B3GALT1: variants seen among roughly 807,000 people sequenced by gnomAD.
B3GALT1 encodes beta-1,3-galactosyltransferase 1.
B3GALT1 carries 10 observed loss-of-function variants against 23.2 expected under a neutral mutation model. The observed-to-expected ratio is 0.43, with a 90% CI of 0.27 to 0.73. B3GALT1 has a LOEUF of 0.73. B3GALT1 is among the 30% of genes least tolerant of loss of function. B3GALT1 has a pLI of 0.21. For synonymous variants in B3GALT1, 156 were observed against 141.5 expected (o/e 1.10, Z -0.73); for missense variants, 299 against 405.4 (o/e 0.74, Z 2.25).
chr2:167,379,576 G>A (rs1420051160), intron 1 of B3GALT1, among the ~76,000 whole-genome samples: 1 of 152,142 alleles, frequency 6.6e-6, no homozygotes, highest in Non-Finnish European at 1.5e-5. Flanking sequence ...ACCCATAGAT[G>A]ATGCTTAAAG....
chr2:167,425,614 A>G (rs1361881429), intron 1 of B3GALT1, among the ~76,000 whole-genome samples: 2 of 152,334 alleles, frequency 1.3e-5, no homozygotes, highest in East Asian at 1.9e-4. Context: ...CTCCTTGGCA[A>G]ATTAGTATGG....
intron 3 of B3GALT1, among the ~76,000 whole-genome samples, chr2:167,756,447 T>A (rs1032098407): frequency 1.3e-5 from 2 of 152,194 alleles, no homozygotes; most frequent in African/African-American, 4.8e-5. Context: ...ATACACTGAG[T>A]GTTGATGGCA....
chr2:167,869,277 CT>C lies in B3GALT1; in HGVS notation c.240del (p.Val81LeufsTer32). 6.2e-7 allele frequency: 1 copy of C among 1,614,170 alleles called. No individual in the cohort carries two copies. Among genetic ancestry groups the C allele is most frequent in the Non-Finnish European group, 8.5e-7 (1 of 1,180,038 alleles). On this transcript the variant is annotated frameshift_variant, in exon 5 of 5. Coordinates refer to ENST00000392690, the MANE Select transcript of B3GALT1 (RefSeq NM_020981.4). LOFTEE classifies it high-confidence loss of function. The surrounding 1 kb of genome is among the most constrained non-coding windows in gnomAD (Gnocchi z 6.4). ...PNKCEKNIPFLVILISTTHKE... is the reference protein window; with the variant it reads ...PNKCEKNIPFXVILISTTHKE... Reference sequence around the variant, plus strand: ...TAAATGTGAGAAAAACATTCCTTTTCTTGTTATCCTCATCAGCACCACTCAC... The same window carrying C: ...TAAATGTGAGAAAAACATTCCTTTTCTGTTATCCTCATCAGCACCACTCAC...
intron 1 of B3GALT1, among the ~76,000 whole-genome samples, chr2:167,425,113 C>T (rs1399372741): frequency 6.6e-6 from 1 of 152,188 alleles, no homozygotes; most frequent in Non-Finnish European, 1.5e-5. Context: ...GTATTTGTGA[C>T]TGTAAACAGT....
At chr2:167,774,695 A>C (rs1688132249) in intron 3 of B3GALT1, among the ~76,000 whole-genome samples, 1 of 150,914 alleles carries the variant, frequency 6.6e-6, no homozygotes, top group South Asian at 2.1e-4. Context: ...ACAGGGTTTC[A>C]CCATGTTGGT....
chr2:167,654,775 C>G (rs1407236737), intron 3 of B3GALT1, among the ~76,000 whole-genome samples: 1 of 150,160 alleles, frequency 6.7e-6, no homozygotes, highest in African/African-American at 2.4e-5. Context: ...AAAATAGAGA[C>G]ATAAGCCACA....
intron 1 of B3GALT1, among the ~76,000 whole-genome samples, chr2:167,366,406 C>G (rs1352711240): frequency 6.6e-6 from 1 of 152,168 alleles, no homozygotes; most frequent in Non-Finnish European, 1.5e-5. Context: ...TTTTATGTCA[C>G]TTGATCTGTA....
intron 2 of B3GALT1, among the ~76,000 whole-genome samples, chr2:167,532,826 C>T (rs190329204): frequency 6.8e-6 from 1 of 147,414 alleles, no homozygotes; most frequent in Admixed American, 6.8e-5. Flanking sequence ...ATCATGTCTG[C>T]AGATAGAGAA....
intron 1 of B3GALT1, among the ~76,000 whole-genome samples, chr2:167,356,310 G>A (rs1697402956): frequency 6.6e-6 from 1 of 152,112 alleles, no homozygotes; most frequent in Non-Finnish European, 1.5e-5. Context: ...ACATATATAT[G>A]CCCTTGGCCA....
chr2:167,435,536 A>G (rs1434890290), intron 1 of B3GALT1, among the ~76,000 whole-genome samples: 1 of 151,580 alleles, frequency 6.6e-6, no homozygotes, highest in Non-Finnish European at 1.5e-5. Flanking sequence ...TGGATATCCA[A>G]AAATGTTTGT....
chr2:167,447,336 C>T (rs974616152), intron 1 of B3GALT1, among the ~76,000 whole-genome samples: 3 of 152,232 alleles, frequency 2.0e-5, no homozygotes, highest in African/African-American at 7.2e-5. Flanking sequence ...GGCATTCTGT[C>T]TGTTCTCAGA....
chr2:167,828,844 A>G (rs1383905185), intron 4 of B3GALT1, among the ~76,000 whole-genome samples: 5 of 152,154 alleles, frequency 3.3e-5, no homozygotes, highest in Admixed American at 6.5e-5. Context: ...CAGGAGTAAT[A>G]TGTGTGTGGG....
chr2:167,618,459 G>A (rs1356796198), intron 2 of B3GALT1, among the ~76,000 whole-genome samples: 2 of 151,658 alleles, frequency 1.3e-5, no homozygotes, highest in Admixed American at 6.6e-5. Flanking sequence ...TTTATTCCAG[G>A]ATACCTCTAT....
At chr2:167,480,007 T>G (rs60039058) in intron 1 of B3GALT1, among the ~76,000 whole-genome samples, 7,141 of 152,184 alleles carry the variant, frequency 0.047, 539 homozygotes, top group African/African-American at 0.16. Flanking sequence ...GGATTGTGTC[T>G]GGATGGGGTC....
At chr2:167,815,402 A>C (rs570690355) in intron 3 of B3GALT1, among the ~76,000 whole-genome samples, 12 of 152,318 alleles carry the variant, frequency 7.9e-5, no homozygotes, top group African/African-American at 2.9e-4. Context: ...TGGGCAACTC[A>C]GTGGCGCTTT....
At chr2:167,428,236 G>A (rs954647172) in intron 1 of B3GALT1, among the ~76,000 whole-genome samples, 3 of 152,214 alleles carry the variant, frequency 2.0e-5, no homozygotes, top group African/African-American at 7.2e-5. Flanking sequence ...ACCTAACTGT[G>A]AGAGGTAGAC....
chr2:167,561,162 A>G (rs1228659), intron 2 of B3GALT1, among the ~76,000 whole-genome samples: 60,008 of 151,984 alleles, frequency 0.39, 12,991 homozygotes, highest in East Asian at 0.85. Context: ...ACTCAAAACC[A>G]CTCAACTACA....
chr2:167,776,959 A>C (rs973388361), intron 3 of B3GALT1, among the ~76,000 whole-genome samples: 39 of 152,216 alleles, frequency 2.6e-4, no homozygotes, highest in African/African-American at 8.7e-4. Flanking sequence ...ACACAGGCTA[A>C]GGTTTTTTTT....
chr2:167,679,585 T>C (rs2105491503), intron 3 of B3GALT1, among the ~76,000 whole-genome samples: 1 of 152,382 alleles, frequency 6.6e-6, no homozygotes, highest in Non-Finnish European at 1.5e-5. Context: ...AACATTGTAG[T>C]GGCCTCTGAG....
Sources: allele counts gnomAD v4.1 joint callset (sites outside exome capture counted in the v4.1 genomes callset), GRCh38; gene constraint gnomAD v4.1.1; non-coding constraint Gnocchi (gnomAD v3.1); transcripts MANE v1.5; gene names NCBI Gene and HGNC (gene_info 2026-07-23, HGNC 2026-07-21).